C1orf21: variants seen among roughly 807,000 people sequenced by gnomAD.
C1orf21 encodes the protein uncharacterized protein C1orf21.
C1orf21 carries 3 observed loss-of-function variants against 18.7 expected under a neutral mutation model. That is an observed-to-expected ratio of 0.16 (90% CI 0.07 to 0.42). The LOEUF is 0.42. Ranked by LOEUF, C1orf21 falls within the 10% of genes least tolerant of loss-of-function variation. The probability of loss-of-function intolerance (pLI) is 0.99; values close to 1 mark genes in which losing one functional copy is unlikely to be tolerated. For synonymous variants in C1orf21, 41 were observed against 46.4 expected, an observed-to-expected ratio of 0.88 and a Z score of 0.47; for missense variants, 104 against 143.6, an observed-to-expected ratio of 0.72 and a Z score of 1.41.
intron 3 of C1orf21, among the ~76,000 whole-genome samples, chr1:184,586,491 G>A (rs906815842): frequency 6.6e-6 from 1 of 151,960 alleles, no homozygotes; most frequent in Non-Finnish European, 1.5e-5. Context: ...CACCGTGTTA[G>A]CCAGGATGGT....
chr1:184,474,354 T>A (rs1657539525), intron 1 of C1orf21, among the ~76,000 whole-genome samples: 1 of 152,158 alleles, frequency 6.6e-6, no homozygotes, highest in South Asian at 2.1e-4. Flanking sequence ...CTAATCTGCT[T>A]GTTAACCTGC....
chr1:184,531,233 T>C (rs1331000071), intron 3 of C1orf21, among the ~76,000 whole-genome samples: 1 of 152,214 alleles, frequency 6.6e-6, no homozygotes, highest in Non-Finnish European at 1.5e-5. Flanking sequence ...TGTTAACTTC[T>C]GGAAAATCGA....
chr1:184,599,545 ATGAGAG>A (rs1659559494), intron 5 of C1orf21: 1 of 152,236 alleles, frequency 6.6e-6, no homozygotes, highest in Non-Finnish European at 1.5e-5. Context: ...ATGAATTAAA[ATGAGAG>A]TTAAATCTAT....
At position 184,628,667 on chromosome 1, in the gene C1orf21, A is replaced by G. The variant is rs1389479048; in HGVS notation, c.*9111A>G. On this transcript the variant is annotated 3_prime_UTR_variant, in exon 6 of 6. Transcript: ENST00000235307. The stretch of plus-strand genomic sequence containing the variant: ...GCTGTCCCTAGACAGTAGTGGCTAC[A>G]GGTGCTAAGCAAAAGTCAGGTACAC... The G allele has an allele frequency of 6.6e-6, 1 of 152,640 alleles. No individual in the cohort carries two copies. The highest frequency in any genetic ancestry group is 1.5e-5 in the Non-Finnish European group (1 of 68,036). 9.5% of individuals were successfully genotyped at this position (152,640 alleles called of 1,614,324 possible).
chr1:184,544,132 C>G (rs373071835), intron 3 of C1orf21, among the ~76,000 whole-genome samples: 1 of 152,234 alleles, frequency 6.6e-6, no homozygotes, highest in South Asian at 2.1e-4. Context: ...TTCAAGGGCA[C>G]GCCTCTTATT....
At position 184,622,580 on chromosome 1, in the gene C1orf21, C is replaced by G. The variant is rs1362023170; in HGVS notation, c.*3024C>G. 1.3e-5 allele frequency: 2 copies of G among 152,692 alleles called. No individual in the cohort carries two copies. Among genetic ancestry groups the G allele is most frequent in the African/African-American group, 2.4e-5 (1 of 41,436 alleles). 9.5% of individuals were successfully genotyped at this position (152,692 alleles called of 1,614,324 possible). A position where few individuals can be genotyped will look rare whatever the true frequency, so the allele number is the denominator to read the frequency against. ...GCGATGCTTCCTAGCCCCAGGCTTG[C>G]AGAGAACACAGAGTGGTGTTGTGGT... On this transcript the variant is annotated 3_prime_UTR_variant, in exon 6 of 6. Transcript: ENST00000235307.
At chr1:184,579,661 C>T (rs1388323938) in intron 3 of C1orf21, among the ~76,000 whole-genome samples, 1 of 151,858 alleles carries the variant, frequency 6.6e-6, no homozygotes, top group Non-Finnish European at 1.5e-5. Flanking sequence ...CAGGCACCCA[C>T]CACCACACCT....
At chr1:184,574,770 GAA>G (rs1659162698) in intron 3 of C1orf21, among the ~76,000 whole-genome samples, 1 of 152,170 alleles carries the variant, frequency 6.6e-6, no homozygotes, top group Non-Finnish European at 1.5e-5. Flanking sequence ...GCCTCCTAGT[GAA>G]AGAGTCTCAG....
At chr1:184,398,145 G>C (rs1553247149) in intron 1 of C1orf21, among the ~76,000 whole-genome samples, 1 of 152,200 alleles carries the variant, frequency 6.6e-6, no homozygotes, top group Non-Finnish European at 1.5e-5. Context: ...GATCTTGAAT[G>C]ACAACGGCAA....
chr1:184,570,006 G>A (rs1309768818), intron 3 of C1orf21, among the ~76,000 whole-genome samples: 1 of 152,272 alleles, frequency 6.6e-6, no homozygotes, highest in Non-Finnish European at 1.5e-5. Flanking sequence ...GTTTCCTCTT[G>A]ATAATAGGTA....
At chr1:184,503,339 G>A (rs753290281) in intron 2 of C1orf21, among the ~76,000 whole-genome samples, 2 of 152,058 alleles carry the variant, frequency 1.3e-5, no homozygotes, top group South Asian at 4.1e-4. Context: ...GGAATTGATA[G>A]TGGTATATGA....
In C1orf21 at chr1:184,619,670, A is replaced by G; in HGVS notation, c.*114A>G. On this transcript the variant is annotated 3_prime_UTR_variant, in exon 6 of 6. Transcript: ENST00000235307. ...GCGAACAGCACTATAGCAAAAGAAGATCGTTCCATATTGTACGCCCCATTA... is the reference window on the plus strand; with the variant it reads ...GCGAACAGCACTATAGCAAAAGAAGGTCGTTCCATATTGTACGCCCCATTA... The G allele has an allele frequency of 2.2e-6, 2 of 889,514 alleles. No individual in the cohort carries two copies. Among genetic ancestry groups the G allele is most frequent in the Non-Finnish European group, 3.5e-6 (2 of 576,060 alleles). 55.1% of individuals were successfully genotyped at this position (889,514 alleles called of 1,614,324 possible).
At chr1:184,421,748 A>C (rs1656550109) in intron 1 of C1orf21, among the ~76,000 whole-genome samples, 1 of 152,336 alleles carries the variant, frequency 6.6e-6, no homozygotes, top group East Asian at 1.9e-4. Context: ...TGAGAAATTC[A>C]AGATGATGAG....
At chr1:184,474,237 C>A (rs1385932315) in intron 1 of C1orf21, among the ~76,000 whole-genome samples, 1 of 152,066 alleles carries the variant, frequency 6.6e-6, no homozygotes, top group Non-Finnish European at 1.5e-5. Context: ...AAAATCTATA[C>A]CTATTTATAA....
At chr1:184,487,220 A>G (rs936071808) in intron 2 of C1orf21, among the ~76,000 whole-genome samples, 2 of 152,164 alleles carry the variant, frequency 1.3e-5, no homozygotes, top group Non-Finnish European at 2.9e-5. Context: ...CTGCCTTGCT[A>G]TGAGCACCTC....
chr1:184,508,666 A>G (rs1308333109), intron 3 of C1orf21, among the ~76,000 whole-genome samples: 2 of 152,202 alleles, frequency 1.3e-5, no homozygotes, highest in Admixed American at 6.5e-5. Flanking sequence ...TCTTTTCTGA[A>G]TATATGATCT....
In C1orf21 at chr1:184,387,724, C is replaced by A. The variant is rs1434135083; in HGVS notation, c.-125+356C>A. ...GACACCCCTCCCTTCCCACCCGCAC[C>A]CTGCCGCCCTCAGCCTTCCTGCTCT... is the stretch of plus-strand genomic sequence containing the variant. On this transcript the variant is annotated intron_variant, in intron 1 of 5. Transcript: ENST00000235307. The surrounding 1 kb of genome is among the most constrained non-coding windows in gnomAD (Gnocchi z 5.6). Among the ~76,000 whole-genome samples the A allele has an allele frequency of 6.6e-6, 1 of 152,220 alleles. No individual in the cohort carries two copies. The highest frequency in any genetic ancestry group is 1.9e-4 in the East Asian group (1 of 5,190).
intron 3 of C1orf21, chr1:184,567,443 T>C: frequency 1.9e-6 from 1 of 535,724 alleles, no homozygotes; most frequent in Non-Finnish European, 3.8e-6. Flanking sequence ...TCCAGATGCC[T>C]TTTTCCAGAT....
At chr1:184,531,035 T>C (rs1187662463) in intron 3 of C1orf21, among the ~76,000 whole-genome samples, 1 of 152,204 alleles carries the variant, frequency 6.6e-6, no homozygotes, top group African/African-American at 2.4e-5. Flanking sequence ...AGAATTGGTT[T>C]TTACAGCGGG....
Sources: gnomAD v4.1 joint callset for allele counts (sites outside exome capture counted in the v4.1 genomes callset) on GRCh38, gnomAD v4.1.1 for gene constraint, Gnocchi (gnomAD v3.1) non-coding constraint, MANE v1.5 for transcripts, NCBI Gene and HGNC (gene_info 2026-07-23, HGNC 2026-07-21) for gene names.